UNC13A: variants seen among roughly 807,000 people sequenced by gnomAD.
The protein encoded by UNC13A is unc-13 homolog A.
In UNC13A, 61 loss-of-function variants were observed where a neutral mutation model predicts 219.7. The ratio of observed to expected loss-of-function variants is 0.28; its 90% CI spans 0.23 to 0.34. The LOEUF is 0.34. UNC13A is among the 10% of genes least tolerant of loss of function. The pLI is 1.00. For missense variants in UNC13A, 1,476 were observed against 2,270.3 expected, an observed-to-expected ratio of 0.65 and a Z score of 7.11; for synonymous variants, 920 against 884.6, an observed-to-expected ratio of 1.04 and a Z score of -0.71.
intron 20 of UNC13A, 134 bp from the exon 21 acceptor site, chr19:17,641,690 A>C: frequency 1.2e-6 from 1 of 845,722 alleles, no homozygotes; most frequent in Non-Finnish European, 1.7e-6. Context: ...TCTTTTATCC[A>C]TCCACACACC....
Position 17,627,995 on chromosome 19 carries a change from C to A in UNC13A, c.3754-55G>T. ...GCCTCAGGACCTCTCCCCAGAGCCT[C>A]CCCTACCCACCGCCAGGGACCTTGG... is the stretch of plus-strand genomic sequence containing the variant. On this transcript the variant is annotated intron_variant, in intron 31 of 43. Coordinates refer to ENST00000519716, the MANE Select transcript of UNC13A (RefSeq NM_001080421.3). This position sits in a 1 kb window ranked among gnomAD's most constrained non-coding sequence, Gnocchi z 4.7. The A allele has an allele frequency of 6.6e-7, 1 of 1,510,062 alleles. No individual in the cohort carries two copies. The highest frequency in any genetic ancestry group is 9.0e-7 in the Non-Finnish European group (1 of 1,105,970). The allele number at this position is 1,510,062 out of a possible 1,614,324, so 93.5% of individuals were successfully genotyped here. A position where few individuals can be genotyped will look rare whatever the true frequency, so the allele number is the denominator to read the frequency against.
intron 8 of UNC13A, among the ~76,000 whole-genome samples, chr19:17,660,345 T>G (rs2079529490): frequency 6.6e-6 from 1 of 152,102 alleles, no homozygotes; most frequent in Non-Finnish European, 1.5e-5. Context: ...TTGGATTCTT[T>G]TTGCTTTTGC....
At chr19:17,687,017 G>T (rs116149022) in intron 1 of UNC13A, among the ~76,000 whole-genome samples, 1 of 152,178 alleles carries the variant, frequency 6.6e-6, no homozygotes, top group African/African-American at 2.4e-5. Context: ...AGTGACGGGG[G>T]GACCCCAGTC....
intron 41 of UNC13A, among the ~76,000 whole-genome samples, chr19:17,612,365 G>A (rs2076613369): frequency 1.3e-5 from 2 of 152,068 alleles, no homozygotes; most frequent in East Asian, 1.9e-4. Flanking sequence ...CTCCCTAGGT[G>A]CCCATAAACT....
At chr19:17,662,410 G>A (rs2079566155) in intron 8 of UNC13A, among the ~76,000 whole-genome samples, 2 of 151,890 alleles carry the variant, frequency 1.3e-5, no homozygotes, top group African/African-American at 4.8e-5. Context: ...CAAGTTCAGG[G>A]CTCCCACTGC....
At chr19:17,673,592 C>A (rs1002441931) in intron 3 of UNC13A, among the ~76,000 whole-genome samples, 1 of 151,278 alleles carries the variant, frequency 6.6e-6, no homozygotes, top group Admixed American at 6.6e-5. Context: ...ACTCGGGAGG[C>A]TAAGGCAGGA....
Position 17,656,493 on chromosome 19 carries a change from A to G in UNC13A, c.768-95T>C, listed in dbSNP as rs932129618. The stretch of plus-strand genomic sequence containing the variant: ...GGCATTGACTCATCACCGACTGAGC[A>G]CCTACGATGTGCCAGGTCCTGCTCT... On this transcript the variant is annotated intron_variant, in intron 9 of 43. Coordinates refer to ENST00000519716, the MANE Select transcript of UNC13A (RefSeq NM_001080421.3). The G allele has an allele frequency of 1.6e-5, 20 of 1,250,564 alleles. No homozygotes were observed. In the African/African-American group the frequency reaches 2.9e-4, roughly 18 times the overall value. 77.5% of individuals were successfully genotyped at this position (1,250,564 alleles called of 1,614,324 possible). A position where few individuals can be genotyped will look rare whatever the true frequency, so the allele number is the denominator to read the frequency against.
chr19:17,685,683 C>T (rs2080094864), intron 1 of UNC13A, among the ~76,000 whole-genome samples: 1 of 152,192 alleles, frequency 6.6e-6, no homozygotes, highest in Admixed American at 6.5e-5. Context: ...TGAGTACACA[C>T]GTGTGCCTAC....
chr19:17,606,022 C>T lies in UNC13A; in HGVS notation c.*32G>A. The T allele has an allele frequency of 1.4e-6, 2 of 1,413,760 alleles. No homozygotes were observed. Among genetic ancestry groups the T allele is most frequent in the Non-Finnish European group, 1.8e-6 (2 of 1,089,196 alleles). The allele number at this position is 1,413,760 out of a possible 1,614,324, so 87.6% of individuals were successfully genotyped here. On this transcript the variant is annotated 3_prime_UTR_variant, in exon 44 of 44. Transcript: ENST00000519716. ...CCCTCCCCGCCCAGCGCCCTCCGCG[C>T]AGGCGCAGTGCCGCTCGGCCGACCG...
chr19:17,630,556 A>C, intron 29 of UNC13A, 98 bp downstream of exon 29: 16 of 1,306,776 alleles, frequency 1.2e-5, no homozygotes, highest in Non-Finnish European at 1.8e-5. Flanking sequence ...AAGATGGCGG[A>C]CACCTACCAG....
intron 8 of UNC13A, 121 bp from the exon 9 acceptor site, chr19:17,658,390 G>A: frequency 2.2e-6 from 2 of 918,096 alleles, no homozygotes; most frequent in Non-Finnish European, 3.4e-6. Flanking sequence ...TACTAGTATG[G>A]ATAAAGAATT....
intron 41 of UNC13A, chr19:17,616,330 T>TTTTACTAGCC (rs2076662264): frequency 1.5e-6 from 1 of 659,600 alleles, no homozygotes; most frequent in Non-Finnish European, 2.8e-6. Context: ...AGGACGATCC[T>TTTTACTAGCC]TTTACTAGCC....
At chr19:17,619,185 C>T (rs964153941) in intron 38 of UNC13A, 14 of 565,054 alleles carry the variant, frequency 2.5e-5, no homozygotes, top group African/African-American at 2.2e-4. Flanking sequence ...CTCAGCCCCA[C>T]CCAGGCTTGT....
At chr19:17,629,560 A>G (rs2076819783) in intron 30 of UNC13A, among the ~76,000 whole-genome samples, 1 of 152,128 alleles carries the variant, frequency 6.6e-6, no homozygotes, top group South Asian at 2.1e-4. Context: ...GCAACCAAGC[A>G]TCATATTAAC....
rs1250679701 is a variant in UNC13A, at chr19:17,617,716, G to C, written c.4544C>G (p.Thr1515Arg). The C allele has an allele frequency of 6.2e-7, 1 of 1,613,760 alleles. No individual in the cohort carries two copies. Among genetic ancestry groups the C allele is most frequent in the Admixed American group, 1.7e-5 (1 of 59,992 alleles). ...GGTACCCTTACCCTGGGCCGATTGC[G>C]TCTGTACAAAGGTCTTGATTAGCAG... The part of the protein sequence containing the change: ...TDLLIKTFVQ[T>R]QSAQGLGVED... The change falls in exon 41 of 44, where the codon ACG (threonine) becomes AGG (arginine). Residue 1515 changes from threonine (T) to arginine (R), a missense_variant. Physicochemically the swap from Thr to Arg is moderately conservative, Grantham distance 71. Coordinates refer to ENST00000519716, the MANE Select transcript of UNC13A (RefSeq NM_001080421.3).
intron 1 of UNC13A, among the ~76,000 whole-genome samples, chr19:17,687,666 C>G (rs781601498): frequency 5.9e-5 from 9 of 152,076 alleles, no homozygotes; most frequent in Non-Finnish European, 1.0e-4. Flanking sequence ...ATGGCCAAGC[C>G]CCTCTACCTA....
At chr19:17,680,884 C>CTT (rs2079997096) in intron 1 of UNC13A, among the ~76,000 whole-genome samples, 31 of 69,440 alleles carry the variant, frequency 4.5e-4, no homozygotes, top group Non-Finnish European at 5.6e-4. Context: ...TTTTTCTTTT[C>CTT]TTTTCTTTTT....
chr19:17,613,104 C>T lies in UNC13A; in HGVS notation c.4559-1249G>A, dbSNP rs775784347. Among the ~76,000 whole-genome samples the T allele has an allele frequency of 6.6e-5, 10 of 152,094 alleles. No individual in the cohort carries two copies. The East Asian group carries it at 9.7e-4, about 15-fold the overall frequency. Reference sequence around the variant, plus strand: ...AAAATTAGCCGGGTGTGGTAGTGCACGCCTGTAATCCCAGCTACTTGGGAA... The same window carrying T: ...AAAATTAGCCGGGTGTGGTAGTGCATGCCTGTAATCCCAGCTACTTGGGAA... On this transcript the variant is annotated intron_variant, in intron 41 of 43. Transcript: ENST00000519716.
rs141561041 is a variant in UNC13A at position 17,627,164 on chromosome 19, C to CAA, written c.3920+343_3920+344dup. On this transcript the variant is annotated intron_variant, in intron 33 of 43. Coordinates refer to ENST00000519716, the MANE Select transcript of UNC13A (RefSeq NM_001080421.3). The surrounding 1 kb of genome is among the most constrained non-coding windows in gnomAD (Gnocchi z 4.7). ...CTGGTGACAGAACGAGACTTCGTCTCAAAAAAAAAAAAAGAGTGGAAAATA... is the reference window on the plus strand; with the variant it reads ...CTGGTGACAGAACGAGACTTCGTCTCAAAAAAAAAAAAAAAGAGTGGAAAATA... Among the ~76,000 whole-genome samples the CAA allele has an allele frequency of 3.0e-5, 4 of 133,062 alleles. No homozygotes were observed. The highest frequency in any genetic ancestry group is 5.7e-5 in the African/African-American group (2 of 34,926). 87.3% of individuals were successfully genotyped at this position (133,062 alleles called of 152,430 possible). A position where few individuals can be genotyped will look rare whatever the true frequency, so the allele number is the denominator to read the frequency against.
Sources: gnomAD v4.1 joint callset for allele counts (sites outside exome capture counted in the v4.1 genomes callset) on GRCh38, gnomAD v4.1.1 for gene constraint, Gnocchi (gnomAD v3.1) non-coding constraint, MANE v1.5 for transcripts, NCBI Gene and HGNC (gene_info 2026-07-23, HGNC 2026-07-21) for gene names.